The following CCDC178 variants were observed in gnomAD, a reference collection of about 807,000 sequenced individuals.
The protein encoded by CCDC178 is coiled-coil domain containing 178.
Under a neutral mutation model 117.4 loss-of-function variants are expected in CCDC178, and 126 were observed. That is an observed-to-expected ratio of 1.07 (90% CI 0.93 to 1.24). The LOEUF (loss-of-function observed/expected upper bound fraction) is 1.24. Among genes scored for constraint, CCDC178 ranks in the 50% most tolerant of loss-of-function variants. The pLI is 0.00. For synonymous variants in CCDC178, 283 were observed against 313.4 expected, an observed-to-expected ratio of 0.90 and a Z score of 1.02; for missense variants, 1,030 against 986.9, an observed-to-expected ratio of 1.04 and a Z score of -0.59.
intron 22 of CCDC178, among the ~76,000 whole-genome samples, chr18:32,959,478 C>T (rs186181433): frequency 2.0e-5 from 3 of 152,078 alleles, no homozygotes; most frequent in East Asian, 3.9e-4. Flanking sequence ...TTACTGAGTC[C>T]CTTTCTCCAT....
intron 11 of CCDC178, among the ~76,000 whole-genome samples, chr18:33,320,111 T>C (rs1171559119): frequency 1.3e-5 from 2 of 152,164 alleles, no homozygotes; most frequent in African/African-American, 2.4e-5. Flanking sequence ...TAAGAGCTAT[T>C]TATGACAAAA....
chr18:33,146,673 C>T (rs868681702), intron 20 of CCDC178, among the ~76,000 whole-genome samples: 6 of 152,052 alleles, frequency 3.9e-5, no homozygotes, highest in Middle Eastern at 3.2e-3. Context: ...AATAAACTAT[C>T]GTTAATGAAG....
chr18:33,331,736 A>G (rs2062672588), intron 10 of CCDC178, among the ~76,000 whole-genome samples: 1 of 152,204 alleles, frequency 6.6e-6, no homozygotes, highest in Non-Finnish European at 1.5e-5. Flanking sequence ...TCCACAGTGG[A>G]GAAATGAGAC....
intron 21 of CCDC178, among the ~76,000 whole-genome samples, chr18:33,045,519 A>G (rs1042075822): frequency 6.6e-6 from 1 of 152,224 alleles, no homozygotes; most frequent in Non-Finnish European, 1.5e-5. Context: ...CAAATGATGT[A>G]TTCAATTTTG....
chr18:33,086,569 T>C (rs1183783042), intron 21 of CCDC178, among the ~76,000 whole-genome samples: 3 of 151,888 alleles, frequency 2.0e-5, no homozygotes, highest in Admixed American at 6.6e-5. Flanking sequence ...CCAGGGACAA[T>C]AGAAAATTCA....
intron 12 of CCDC178, among the ~76,000 whole-genome samples, chr18:33,281,944 A>T (rs1047247398): frequency 2.4e-4 from 37 of 152,336 alleles, no homozygotes; most frequent in African/African-American, 8.4e-4. Context: ...AAAGAGAGAG[A>T]GGGCAAGATG....
At chr18:33,407,713 A>G (rs1030070309) in intron 3 of CCDC178, among the ~76,000 whole-genome samples, 22 of 152,062 alleles carry the variant, frequency 1.4e-4, no homozygotes, top group African/African-American at 5.1e-4. Context: ...AAAAGAAAAA[A>G]TTATAACTTG....
intron 20 of CCDC178, among the ~76,000 whole-genome samples, chr18:33,193,223 A>C (rs36084321): frequency 8.4e-6 from 1 of 119,524 alleles, no homozygotes; most frequent in African/African-American, 3.2e-5. Context: ...AGATCGCGCC[A>C]CTGCACTGCA....
intron 20 of CCDC178, among the ~76,000 whole-genome samples, chr18:33,204,540 C>T (rs1399705958): frequency 1.3e-5 from 2 of 152,142 alleles, no homozygotes; most frequent in Middle Eastern, 3.2e-3. Context: ...CTCGAAGGCA[C>T]ATCTTGTAAT....
chr18:33,118,723 C>T (rs1286709308), intron 20 of CCDC178, among the ~76,000 whole-genome samples: 1 of 152,094 alleles, frequency 6.6e-6, no homozygotes, highest in South Asian at 2.1e-4. Flanking sequence ...AAAAAAGAGC[C>T]CGCATCACCA....
At chr18:33,342,051 T>C (rs1464137369) in intron 9 of CCDC178, among the ~76,000 whole-genome samples, 1 of 152,144 alleles carries the variant, frequency 6.6e-6, no homozygotes, top group Non-Finnish European at 1.5e-5. Context: ...AGATAACTGA[T>C]CTAGAACCAG....
At chr18:32,970,350 T>C (rs2144683743) in intron 22 of CCDC178, among the ~76,000 whole-genome samples, 1 of 152,120 alleles carries the variant, frequency 6.6e-6, no homozygotes, top group Admixed American at 6.6e-5. Context: ...GATTTTTGAA[T>C]TGCTTTTCCT....
At chr18:33,227,962 G>C (rs1332311385) in intron 15 of CCDC178, among the ~76,000 whole-genome samples, 1 of 152,134 alleles carries the variant, frequency 6.6e-6, no homozygotes, top group Non-Finnish European at 1.5e-5. Context: ...CAGTTTTTCA[G>C]TTTGTTTATT....
intron 20 of CCDC178, among the ~76,000 whole-genome samples, chr18:33,199,300 A>G (rs1255111632): frequency 1.3e-5 from 2 of 152,204 alleles, no homozygotes; most frequent in African/African-American, 4.8e-5. Flanking sequence ...AGATTAAATA[A>G]TAAAATACTC....
At chr18:33,410,293 T>C (rs2063833176) in intron 3 of CCDC178, among the ~76,000 whole-genome samples, 1 of 152,224 alleles carries the variant, frequency 6.6e-6, no homozygotes, top group Non-Finnish European at 1.5e-5. Flanking sequence ...ACCTGTATGA[T>C]TCTCTGTTCA....
chr18:33,141,869 T>C (rs2058209562), intron 20 of CCDC178, among the ~76,000 whole-genome samples: 1 of 152,098 alleles, frequency 6.6e-6, no homozygotes, highest in African/African-American at 2.4e-5. Flanking sequence ...CCACCTCCCT[T>C]CTTCTTGTTT....
chr18:33,106,163 C>T (rs189568638), intron 20 of CCDC178, among the ~76,000 whole-genome samples: 1 of 151,710 alleles, frequency 6.6e-6, no homozygotes, highest in African/African-American at 2.4e-5. Flanking sequence ...AGAAGCAATG[C>T]TCCTCAGTTT....
At chr18:33,043,972 G>A (rs2056597501) in intron 21 of CCDC178, among the ~76,000 whole-genome samples, 1 of 151,216 alleles carries the variant, frequency 6.6e-6, no homozygotes, top group African/African-American at 2.4e-5. Flanking sequence ...AAAATAATAA[G>A]AGTTTGGAAT....
rs899668880 is a variant in CCDC178, at chr18:33,175,442, A to G, written c.2238+36454T>C. On this transcript the variant is annotated intron_variant, in intron 20 of 22. Transcript: ENST00000383096. ...GGCTGGTCTCCAACTCCTGGGCTCA[A>G]GATATCCTCCCGCCTCAGCCTCCCA... Among the ~76,000 whole-genome samples the G allele has an allele frequency of 2.6e-5, 4 of 151,788 alleles. No individual in the cohort carries two copies. The South Asian group carries it at 8.3e-4, about 32-fold the overall frequency.
Sources: allele counts gnomAD v4.1 joint callset (sites outside exome capture counted in the v4.1 genomes callset), GRCh38; gene constraint gnomAD v4.1.1; transcripts MANE v1.5; gene names NCBI Gene and HGNC (gene_info 2026-07-23, HGNC 2026-07-21).